Variants in CAMTA1 observed in about 807,000 individuals in gnomAD.
CAMTA1 encodes calmodulin-binding transcription activator 1.
Under a neutral mutation model 170.9 loss-of-function variants are expected in CAMTA1, and 27 were observed. That is an observed-to-expected ratio of 0.16 (90% CI 0.12 to 0.22). The LOEUF (loss-of-function observed/expected upper bound fraction) is 0.22, where lower values mean the gene tolerates loss of function less well. Ranked by LOEUF, CAMTA1 falls within the 10% of genes least tolerant of loss-of-function variation. CAMTA1 has a pLI of 1.00. For missense variants in CAMTA1, 1,619 were observed against 2,217.2 expected, an observed-to-expected ratio of 0.73 and a Z score of 5.42; for synonymous variants, 833 against 891.5, an observed-to-expected ratio of 0.93 and a Z score of 1.17.
rs113982402 is a variant in CAMTA1 at position 7,673,839 on chromosome 1, C to T, written c.2779+2802C>T. Among the ~76,000 whole-genome samples the T allele has an allele frequency of 5.9e-5, 9 of 152,238 alleles. No individual in the cohort carries two copies. Among genetic ancestry groups the T allele is most frequent in the African/African-American group, 2.2e-4 (9 of 41,446 alleles). Reference sequence around the variant, plus strand: ...TTGCCAAATAACTTTTGAGTAGCCCCTGCTTGCTCTGCACAGAGTAGGGGC... The same window carrying T: ...TTGCCAAATAACTTTTGAGTAGCCCTTGCTTGCTCTGCACAGAGTAGGGGC... On this transcript the variant is annotated intron_variant, in intron 10 of 22. Transcript: ENST00000303635. The surrounding 1 kb of genome is among the most constrained non-coding windows in gnomAD (Gnocchi z 4.6).
At chr1:7,217,291 G>T (rs888451713) in intron 4 of CAMTA1, among the ~76,000 whole-genome samples, 1 of 152,300 alleles carries the variant, frequency 6.6e-6, no homozygotes, top group African/African-American at 2.4e-5. Context: ...TGCCATGATT[G>T]TAAGTTTCCT....
At chr1:7,687,986 C>T (rs955790586) in intron 11 of CAMTA1, among the ~76,000 whole-genome samples, 3 of 147,774 alleles carry the variant, frequency 2.0e-5, no homozygotes, top group African/African-American at 7.5e-5. Context: ...GCTCCTAAAT[C>T]GATTACGTCG....
At chr1:7,200,456 G>A (rs564679800) in intron 4 of CAMTA1, among the ~76,000 whole-genome samples, 157 of 152,296 alleles carry the variant, frequency 1.0e-3, no homozygotes, top group African/African-American at 3.6e-3. Flanking sequence ...AAAAACAAAT[G>A]GTTGTTTGAG....
At chr1:7,368,212 G>A (rs2086158314) in intron 5 of CAMTA1, among the ~76,000 whole-genome samples, 1 of 150,208 alleles carries the variant, frequency 6.7e-6, no homozygotes, top group Non-Finnish European at 1.5e-5. Context: ...GGCACTCATG[G>A]TTTCATTGGG....
At chr1:7,103,744 A>G (rs1353970988) in intron 4 of CAMTA1, among the ~76,000 whole-genome samples, 1 of 151,872 alleles carries the variant, frequency 6.6e-6, no homozygotes, top group South Asian at 2.1e-4. Flanking sequence ...ACATGTACAC[A>G]CAATACATTA....
At chr1:7,309,799 A>G (rs576065837) in intron 5 of CAMTA1, among the ~76,000 whole-genome samples, 1 of 152,006 alleles carries the variant, frequency 6.6e-6, no homozygotes, top group Non-Finnish European at 1.5e-5. Context: ...TACCACTTCA[A>G]GTGGAACATA....
Position 7,168,602 on chromosome 1 carries a change from C to G in CAMTA1, c.302+77231C>G, listed in dbSNP as rs546896305. On this transcript the variant is annotated intron_variant, in intron 4 of 22. Transcript: ENST00000303635. ...TATTTTTAGTAGAGACAGAGTTTCA[C>G]CATGTTGGCCAGGCTGGCCTGGAAC... Among the ~76,000 whole-genome samples the G allele has an allele frequency of 6.0e-4, 92 of 152,264 alleles. 1 individual carries two copies. The highest frequency in any genetic ancestry group is 6.8e-3 in the Middle Eastern group (2 of 294).
In CAMTA1 at chr1:7,492,668, AAC is replaced by A. The variant is rs70984088; in HGVS notation, c.510+24779_510+24780del. Among the ~76,000 whole-genome samples the A allele has an allele frequency of 2.4e-3, 132 of 54,870 alleles. No individual in the cohort carries two copies. The East Asian group carries it at 0.074, about 31-fold the overall frequency. The allele number at this position is 54,870 out of a possible 152,430, so 36.0% of individuals were successfully genotyped here. On this transcript the variant is annotated intron_variant, in intron 6 of 22. Transcript: ENST00000303635. ...ACAATCACACAAACACAAACATACG[AAC>A]ACACACACACAAACACAAACCTACA...
At chr1:7,122,825 C>T (rs1049277408) in intron 4 of CAMTA1, among the ~76,000 whole-genome samples, 6 of 152,176 alleles carry the variant, frequency 3.9e-5, no homozygotes, top group African/African-American at 1.4e-4. Context: ...TCTCCTCTCT[C>T]CCTCCATCAC....
rs1207307422 is a variant in CAMTA1, at chr1:7,565,304, T to C, written c.511-75096T>C. 2.6e-5 allele frequency among the ~76,000 whole-genome samples: 4 copies of C among 151,854 alleles called. No homozygotes were observed. Among genetic ancestry groups the C allele is most frequent in the Non-Finnish European group, 4.4e-5 (3 of 67,936 alleles). On this transcript the variant is annotated intron_variant, in intron 6 of 22. Transcript: ENST00000303635. This position sits in a 1 kb window ranked among gnomAD's most constrained non-coding sequence, Gnocchi z 4.5. Reference sequence around the variant, plus strand: ...GCTGCCTTTGGGGCCCACGGGCCTATGGGGATGGGAGTGAGGCAGGCTGTG... The same window carrying C: ...GCTGCCTTTGGGGCCCACGGGCCTACGGGGATGGGAGTGAGGCAGGCTGTG...
chr1:7,745,792 G>T (rs200854573), intron 17 of CAMTA1, 53 bp from the exon 18 acceptor site: 9 of 1,606,600 alleles, frequency 5.6e-6, no homozygotes, highest in Non-Finnish European at 6.8e-6. Flanking sequence ...ATATCTAATG[G>T]GTGGTGCAAA....
chr1:7,442,643 A>G (rs532480597), intron 5 of CAMTA1, among the ~76,000 whole-genome samples: 60 of 152,254 alleles, frequency 3.9e-4, no homozygotes, highest in Admixed American at 2.0e-3. Context: ...GGTTTACTCA[A>G]CGCGTGACTT....
Position 7,637,996 on chromosome 1 carries a change from G to A in CAMTA1, c.511-2404G>A, listed in dbSNP as rs184061863. On this transcript the variant is annotated intron_variant, in intron 6 of 22. Coordinates refer to ENST00000303635, the MANE Select transcript of CAMTA1 (RefSeq NM_015215.4). ...GATTGAGTTTCCTGGTTAACTGAGC[G>A]TTGGCAGGAAAAAATCTGTTTAATT... Among the ~76,000 whole-genome samples the A allele has an allele frequency of 2.4e-4, 37 of 152,312 alleles. No individual in the cohort carries two copies. In the Middle Eastern group the frequency reaches 0.01, roughly 42 times the overall value.
chr1:7,076,187 G>C (rs1639280738), intron 3 of CAMTA1, among the ~76,000 whole-genome samples: 1 of 152,198 alleles, frequency 6.6e-6, no homozygotes, highest in Admixed American at 6.5e-5. Flanking sequence ...TGACTTTGTA[G>C]ACTGTCATCA....
At chr1:7,187,149 G>A (rs1015029815) in intron 4 of CAMTA1, among the ~76,000 whole-genome samples, 3 of 152,012 alleles carry the variant, frequency 2.0e-5, no homozygotes, top group East Asian at 1.9e-4. Context: ...GTGGGTGCGG[G>A]GGCATTTGAA....
intron 5 of CAMTA1, among the ~76,000 whole-genome samples, chr1:7,305,559 A>T (rs1489021701): frequency 6.6e-6 from 1 of 152,046 alleles, no homozygotes; most frequent in African/African-American, 2.4e-5. Context: ...CAGTACTTTC[A>T]TTCTGCTCAA....
intron 4 of CAMTA1, among the ~76,000 whole-genome samples, chr1:7,102,069 C>G (rs916714394): frequency 3.5e-4 from 50 of 142,532 alleles, no homozygotes; most frequent in African/African-American, 9.6e-4. Context: ...CACACACACA[C>G]AGCTTCCTGT....
At chr1:6,901,226 T>C (rs1403926334) in intron 3 of CAMTA1, among the ~76,000 whole-genome samples, 2 of 152,242 alleles carry the variant, frequency 1.3e-5, no homozygotes, top group Non-Finnish European at 2.9e-5. Context: ...TACCCCATAC[T>C]GTATATAAAA....
rs1052926723 is a variant in CAMTA1 at position 7,030,885 on chromosome 1, A to G, written c.235-60419A>G. On this transcript the variant is annotated intron_variant, in intron 3 of 22. Coordinates refer to ENST00000303635, the MANE Select transcript of CAMTA1 (RefSeq NM_015215.4). ...ATCCTTGCTCTGTTGCCCAGGCTGGAGTGCAGTGGTGCAATCTCGGCACAC... is the reference window on the plus strand; with the variant it reads ...ATCCTTGCTCTGTTGCCCAGGCTGGGGTGCAGTGGTGCAATCTCGGCACAC... Among the ~76,000 whole-genome samples the G allele has an allele frequency of 1.3e-5, 2 of 150,382 alleles. 1 individual carries two copies. The highest frequency in any genetic ancestry group is 4.2e-4 in the South Asian group (2 of 4,712).
Sources: allele counts gnomAD v4.1 joint callset (sites outside exome capture counted in the v4.1 genomes callset), GRCh38; gene constraint gnomAD v4.1.1; non-coding constraint Gnocchi (gnomAD v3.1); transcripts MANE v1.5; gene names NCBI Gene and HGNC (gene_info 2026-07-23, HGNC 2026-07-21).